DLG2: variants seen among roughly 807,000 people sequenced by gnomAD.
The protein encoded by DLG2 is disks large homolog 2.
In DLG2, 45 loss-of-function variants were observed where a neutral mutation model predicts 132.5. That is an observed-to-expected ratio of 0.34 (90% confidence interval 0.27 to 0.44). DLG2 has a LOEUF of 0.44. DLG2 is among the 20% of genes least tolerant of loss of function. The pLI, the probability that DLG2 is intolerant of heterozygous loss-of-function variation, is 1.00. For synonymous variants in DLG2, 424 were observed against 419.6 expected (o/e 1.01, Z -0.13); for missense variants, 1,045 against 1,196.9 (o/e 0.87, Z 1.87).
intron 21 of DLG2, among the ~76,000 whole-genome samples, chr11:83,503,372 TATATATATATA>T (rs2094534086): frequency 1.1e-3 from 3 of 2,630 alleles, no homozygotes; most frequent in Non-Finnish European, 2.5e-3. Context: ...CACCCATTTA[TATATATATATA>T]TATATATATA....
At chr11:84,841,907 A>C (rs1009142600) in intron 6 of DLG2, among the ~76,000 whole-genome samples, 3 of 152,002 alleles carry the variant, frequency 2.0e-5, no homozygotes, top group African/African-American at 4.8e-5. Context: ...ATGTTGCAGT[A>C]AACATTGCTA....
intron 8 of DLG2, among the ~76,000 whole-genome samples, chr11:84,171,332 T>G (rs992575721): frequency 6.6e-6 from 1 of 152,200 alleles, no homozygotes; most frequent in African/African-American, 2.4e-5. Flanking sequence ...TCTGGGCTTT[T>G]AGTGTAAGGA....
intron 3 of DLG2, among the ~76,000 whole-genome samples, chr11:85,373,538 A>G (rs1173178566): frequency 2.6e-5 from 4 of 152,110 alleles, no homozygotes. Context: ...GAGTCCCTGG[A>G]GAAACTCCAA....
At chr11:84,735,557 T>A (rs1160748036) in intron 6 of DLG2, among the ~76,000 whole-genome samples, 1 of 152,056 alleles carries the variant, frequency 6.6e-6, no homozygotes, top group Non-Finnish European at 1.5e-5. Context: ...ACTAGCGGTC[T>A]TATCAATTTT....
At chr11:85,600,641 C>G (rs1282333077) in intron 2 of DLG2, among the ~76,000 whole-genome samples, 1 of 152,118 alleles carries the variant, frequency 6.6e-6, no homozygotes, top group Admixed American at 6.5e-5. Flanking sequence ...AGGGTTATAA[C>G]TGATGAATGA....
At chr11:84,229,602 C>G (rs1166720367) in intron 8 of DLG2, among the ~76,000 whole-genome samples, 2 of 152,042 alleles carry the variant, frequency 1.3e-5, no homozygotes. Flanking sequence ...CTGGGTTGGG[C>G]CTCAGATCCT....
intron 6 of DLG2, among the ~76,000 whole-genome samples, chr11:84,825,652 G>C (rs899498350): frequency 2.6e-5 from 4 of 151,852 alleles, no homozygotes; most frequent in African/African-American, 9.7e-5. Flanking sequence ...TCACTGTGTA[G>C]TCTGTTTGGA....
At chr11:83,668,363 A>G (rs2076097879) in intron 18 of DLG2, among the ~76,000 whole-genome samples, 1 of 152,176 alleles carries the variant, frequency 6.6e-6, no homozygotes, top group East Asian at 1.9e-4. Flanking sequence ...CTTAAGAACA[A>G]AAAGCTATCA....
chr11:85,446,289 T>C (rs562034216), intron 3 of DLG2, among the ~76,000 whole-genome samples: 1 of 152,336 alleles, frequency 6.6e-6, no homozygotes, highest in East Asian at 1.9e-4. Context: ...AGATCAAATC[T>C]AGAATAAGCC....
chr11:84,334,502 TCA>T (rs981403119), intron 7 of DLG2, among the ~76,000 whole-genome samples: 1 of 152,234 alleles, frequency 6.6e-6, no homozygotes, highest in African/African-American at 2.4e-5. Flanking sequence ...AAAGGTAATG[TCA>T]CTTTTTGGCA....
intron 6 of DLG2, among the ~76,000 whole-genome samples, chr11:84,594,584 G>T (rs1015614713): frequency 2.0e-5 from 3 of 152,180 alleles, no homozygotes; most frequent in African/African-American, 7.2e-5. Context: ...ACTGAAATAC[G>T]GATGGGACTG....
chr11:83,526,161 C>T (rs1454774432), intron 21 of DLG2, among the ~76,000 whole-genome samples: 2 of 152,102 alleles, frequency 1.3e-5, no homozygotes, highest in South Asian at 2.1e-4. Flanking sequence ...TTAAAGGGAG[C>T]GTAAGGCTTT....
intron 11 of DLG2, among the ~76,000 whole-genome samples, chr11:84,036,703 A>T (rs7948450): frequency 0.023 from 3,475 of 152,262 alleles, 127 homozygotes; most frequent in African/African-American, 0.078. Context: ...TTCCAGCTAA[A>T]AGTTTTAAAA....
At chr11:84,699,729 T>C (rs913243275) in intron 6 of DLG2, among the ~76,000 whole-genome samples, 29 of 151,604 alleles carry the variant, frequency 1.9e-4, no homozygotes, top group Non-Finnish European at 2.2e-4. Context: ...GCTTTCTTTC[T>C]TGTTTGGTAT....
chr11:83,998,417 T>C (rs888416803), intron 11 of DLG2, among the ~76,000 whole-genome samples: 5 of 152,182 alleles, frequency 3.3e-5, no homozygotes, highest in Admixed American at 6.5e-5. Flanking sequence ...ACACTTCGTA[T>C]AGTTCCCTGA....
intron 4 of DLG2, among the ~76,000 whole-genome samples, chr11:85,187,378 G>A (rs531519247): frequency 1.6e-4 from 24 of 151,932 alleles, no homozygotes; most frequent in Non-Finnish European, 3.1e-4. Flanking sequence ...ATGACCTAAC[G>A]GTTCATTGCC....
At chr11:83,651,467 AT>A (rs1433046876) in intron 18 of DLG2, 1 of 165,668 alleles carries the variant, frequency 6.0e-6, no homozygotes, top group Non-Finnish European at 1.3e-5. Context: ...TTCACAATAA[AT>A]TGAAAATTAG....
intron 3 of DLG2, among the ~76,000 whole-genome samples, chr11:85,483,832 T>C (rs1354522467): frequency 2.0e-5 from 3 of 148,288 alleles, no homozygotes; most frequent in African/African-American, 7.5e-5. Flanking sequence ...TAATCCCAGC[T>C]ACTCAGGAGG....
intron 7 of DLG2, among the ~76,000 whole-genome samples, chr11:84,495,878 T>C (rs1405361189): frequency 1.3e-5 from 2 of 152,134 alleles, no homozygotes; most frequent in Admixed American, 1.3e-4. Context: ...ACGGGCACAA[T>C]GTCAGAGGAA....
Sources: gnomAD v4.1 joint callset for allele counts (sites outside exome capture counted in the v4.1 genomes callset) on GRCh38, gnomAD v4.1.1 for gene constraint, MANE v1.5 for transcripts, NCBI Gene and HGNC (gene_info 2026-07-23, HGNC 2026-07-21) for gene names.